KALRN: variants seen among roughly 807,000 people sequenced by gnomAD.
The protein encoded by KALRN is kalirin RhoGEF kinase, also known as kalirin.
In KALRN, 70 loss-of-function variants were observed where a neutral mutation model predicts 353.7. That is an observed-to-expected ratio of 0.20 (90% CI 0.16 to 0.24). The LOEUF is 0.24. Ranked by LOEUF, KALRN falls within the 10% of genes least tolerant of loss-of-function variation. The pLI is 1.00. For synonymous variants in KALRN, 1,391 were observed against 1,434.8 expected, an observed-to-expected ratio of 0.97 and a Z score of 0.69; for missense variants, 2,791 against 3,756.7, an observed-to-expected ratio of 0.74 and a Z score of 6.72.
In KALRN at chr3:124,719,603, C is replaced by A; in HGVS notation, c.*133C>A. 1.2e-6 allele frequency: 1 copy of A among 855,162 alleles called. No homozygotes were observed. The highest frequency in any genetic ancestry group is 2.8e-5 in the Admixed American group (1 of 35,166). 53.0% of individuals were successfully genotyped at this position (855,162 alleles called of 1,614,324 possible). On this transcript the variant is annotated 3_prime_UTR_variant, in exon 60 of 60. Coordinates refer to ENST00000682506, the MANE Select transcript of KALRN (RefSeq NM_001388419.1). The surrounding 1 kb of genome is among the most constrained non-coding windows in gnomAD (Gnocchi z 5.3). ...TGAATTGAGAGATGTACCTCTTAAA[C>A]CTCGTCAGTGGTTATTCAGGGTCTG...
At chr3:124,172,475 C>T (rs1198704735) in intron 1 of KALRN, among the ~76,000 whole-genome samples, 1 of 152,170 alleles carries the variant, frequency 6.6e-6, no homozygotes, top group Non-Finnish European at 1.5e-5. Flanking sequence ...AGAATCTAGT[C>T]ACTGTTTAGG....
rs575622394 is a variant in KALRN at position 124,651,368 on chromosome 3, T to A, written c.5795+430T>A. Among the ~76,000 whole-genome samples, 157 of 152,336 alleles carry A rather than the reference T, an allele frequency of 1.0e-3. 1 individual carries two copies. The highest frequency in any genetic ancestry group is 3.7e-3 in the African/African-American group (153 of 41,594). On this transcript the variant is annotated intron_variant, in intron 38 of 59. Transcript: ENST00000682506. ...TTATATATAGAGGAAGGAGCTGTTG[T>A]ACCACCAAGCAGGTCCTGTCTCTAC...
intron 13 of KALRN, among the ~76,000 whole-genome samples, chr3:124,410,816 C>A (rs1419945843): frequency 6.6e-6 from 1 of 152,160 alleles, no homozygotes; most frequent in Non-Finnish European, 1.5e-5. Flanking sequence ...TACACCTACC[C>A]TATGACCTAT....
intron 1 of KALRN, among the ~76,000 whole-genome samples, chr3:124,139,799 G>A (rs59932404): frequency 0.069 from 10,492 of 152,164 alleles, 1,198 homozygotes; most frequent in African/African-American, 0.24. Context: ...GGTTGGTGCA[G>A]AATGAAAGCT....
intron 6 of KALRN, among the ~76,000 whole-genome samples, chr3:124,324,887 T>C (rs531793629): frequency 5.9e-5 from 9 of 152,304 alleles, no homozygotes; most frequent in Non-Finnish European, 8.8e-5. Context: ...TTTGAGAAGA[T>C]TTGTAACAAA....
intron 1 of KALRN, among the ~76,000 whole-genome samples, chr3:124,215,915 C>A (rs2077285002): frequency 6.6e-6 from 1 of 152,292 alleles, no homozygotes; most frequent in East Asian, 1.9e-4. Flanking sequence ...GTTTGCAGAC[C>A]CTTTCTGCTG....
At chr3:124,198,292 T>G (rs2075635454) in intron 1 of KALRN, among the ~76,000 whole-genome samples, 1 of 152,230 alleles carries the variant, frequency 6.6e-6, no homozygotes, top group Non-Finnish European at 1.5e-5. Flanking sequence ...AACTCATGAT[T>G]TGTGCAACAC....
chr3:124,117,488 A>G (rs976249607), intron 1 of KALRN, among the ~76,000 whole-genome samples: 9 of 152,182 alleles, frequency 5.9e-5, no homozygotes, highest in African/African-American at 1.9e-4. Flanking sequence ...TGACCCTTGT[A>G]GTGCTTTGAC....
At chr3:124,603,603 G>A (rs1019456573) in intron 34 of KALRN, among the ~76,000 whole-genome samples, 1 of 152,156 alleles carries the variant, frequency 6.6e-6, no homozygotes, top group Non-Finnish European at 1.5e-5. Context: ...AGGCCAAGCT[G>A]TGTCTGACCT....
intron 36 of KALRN, among the ~76,000 whole-genome samples, chr3:124,635,142 G>A (rs545862431): frequency 4.0e-4 from 61 of 152,218 alleles, no homozygotes; most frequent in African/African-American, 1.4e-3. Context: ...CTTTGACTCT[G>A]GATTATTGGG....
intron 1 of KALRN, among the ~76,000 whole-genome samples, chr3:124,168,031 G>A (rs2071145564): frequency 1.3e-5 from 2 of 152,166 alleles, no homozygotes; most frequent in African/African-American, 4.8e-5. Context: ...GAGTGATTCT[G>A]TGACTTTGTG....
rs979688900 is a variant in KALRN at position 124,366,737 on chromosome 3, G to T, written c.1771-18108G>T. ...CTGTTGGGCACACCTCCCAGACGGG[G>T]TGGTGGCCGGGCAGAGGGGCTCTTC... On this transcript the variant is annotated intron_variant, in intron 10 of 59. Coordinates refer to ENST00000682506, the MANE Select transcript of KALRN (RefSeq NM_001388419.1). 5.3e-5 allele frequency among the ~76,000 whole-genome samples: 8 copies of T among 152,260 alleles called. No individual in the cohort carries two copies. The Middle Eastern group carries it at 0.01, about 194-fold the overall frequency.
At chr3:124,613,464 G>A (rs950723174) in intron 34 of KALRN, among the ~76,000 whole-genome samples, 2 of 152,166 alleles carry the variant, frequency 1.3e-5, no homozygotes, top group East Asian at 3.8e-4. Flanking sequence ...ATGGCAACAG[G>A]GCAAGATATC....
chr3:124,591,284 C>A (rs2713661), intron 34 of KALRN, among the ~76,000 whole-genome samples: 3 of 151,988 alleles, frequency 2.0e-5, no homozygotes, highest in African/African-American at 7.3e-5. Context: ...CCCTTTTCCC[C>A]GCCCTTTTTT....
At chr3:124,055,453 CT>C (rs2041441291) in intron 1 of KALRN, among the ~76,000 whole-genome samples, 1 of 152,226 alleles carries the variant, frequency 6.6e-6, no homozygotes, top group Non-Finnish European at 1.5e-5. Context: ...CAGCTATTCA[CT>C]CTATTCTATC....
chr3:124,573,582 G>T (rs2713650), intron 34 of KALRN, among the ~76,000 whole-genome samples: 38,824 of 151,986 alleles, frequency 0.26, 5,035 homozygotes, highest in Middle Eastern at 0.32. Context: ...CCTCACTGCA[G>T]CCTTGACCTC....
intron 51 of KALRN, among the ~76,000 whole-genome samples, chr3:124,683,633 A>C (rs2061435716): frequency 6.6e-6 from 1 of 152,250 alleles, no homozygotes; most frequent in Admixed American, 6.5e-5. Flanking sequence ...AGTTCATCAG[A>C]GTGAGAGGTT....
intron 33 of KALRN, among the ~76,000 whole-genome samples, chr3:124,546,652 G>A (rs1259826843): frequency 3.3e-5 from 5 of 152,138 alleles, no homozygotes; most frequent in Non-Finnish European, 1.5e-5. Context: ...TATAGGGGAT[G>A]GTCTTAGACC....
intron 5 of KALRN, among the ~76,000 whole-genome samples, chr3:124,295,155 G>A (rs535290089): frequency 2.6e-5 from 4 of 152,226 alleles, no homozygotes; most frequent in Admixed American, 6.5e-5. Context: ...TAGGCAGCAA[G>A]TTTAGGTCTA....
Sources: allele counts gnomAD v4.1 joint callset (sites outside exome capture counted in the v4.1 genomes callset), GRCh38; gene constraint gnomAD v4.1.1; non-coding constraint Gnocchi (gnomAD v3.1); transcripts MANE v1.5; gene names NCBI Gene and HGNC (gene_info 2026-07-23, HGNC 2026-07-21).